The following MSH3 variants were observed in gnomAD, a reference collection of about 807,000 sequenced individuals.
MSH3 encodes the protein mutS homolog 3.
MSH3 carries 106 observed loss-of-function variants against 123.3 expected under a neutral mutation model. The observed-to-expected ratio is 0.86, with a 90% CI of 0.73 to 1.01. The LOEUF is 1.01. Ranked by LOEUF, MSH3 falls within the 50% of genes least tolerant of loss-of-function variation. The probability of loss-of-function intolerance (pLI) is 0.00; values close to 1 mark genes in which losing one functional copy is unlikely to be tolerated. For missense variants in MSH3, 1,459 were observed against 1,347.6 expected, an observed-to-expected ratio of 1.08 and a Z score of -1.29; for synonymous variants, 515 against 481.4, an observed-to-expected ratio of 1.07 and a Z score of -0.91.
chr5:80,850,579 C>T (rs1212447688), intron 20 of MSH3, among the ~76,000 whole-genome samples: 1 of 152,082 alleles, frequency 6.6e-6, no homozygotes, highest in Non-Finnish European at 1.5e-5. Context: ...TGGGAAACTC[C>T]CGTTTTTAAA....
intron 8 of MSH3, among the ~76,000 whole-genome samples, chr5:80,703,053 A>ACC (rs1750646524): frequency 6.6e-6 from 1 of 152,232 alleles, no homozygotes; most frequent in South Asian, 2.1e-4. Flanking sequence ...AGTTCTTATT[A>ACC]TGTACCTGGT....
At chr5:80,794,420 A>G (rs1744663647) in intron 19 of MSH3, among the ~76,000 whole-genome samples, 1 of 152,206 alleles carries the variant, frequency 6.6e-6, no homozygotes, top group Non-Finnish European at 1.5e-5. Flanking sequence ...AGGTTTTTAT[A>G]GGTCAAAGTT....
chr5:80,807,242 A>AATGACAT (rs1284354332), intron 19 of MSH3, among the ~76,000 whole-genome samples: 2 of 152,120 alleles, frequency 1.3e-5, no homozygotes, highest in Admixed American at 6.5e-5. Context: ...CTTTAAGTGA[A>AATGACAT]ATGACATATA....
Position 80,778,532 on chromosome 5 carries a change from C to G in MSH3, c.2319-188C>G, listed in dbSNP as rs180798703. On this transcript the variant is annotated intron_variant, in intron 16 of 23. Transcript: ENST00000265081. ...ATTTGAAATGCATTTTAAAAGGCTT[C>G]CTGAGCAAAGTCATATTCTTTGGAA... 1.2e-3 allele frequency among the ~76,000 whole-genome samples: 189 copies of G among 152,286 alleles called. 2 individuals are homozygous for G. The highest frequency in any genetic ancestry group is 4.4e-3 in the African/African-American group (184 of 41,570).
intron 20 of MSH3, among the ~76,000 whole-genome samples, chr5:80,839,649 G>C (rs2112088817): frequency 6.6e-6 from 1 of 152,244 alleles, no homozygotes; most frequent in African/African-American, 2.4e-5. Flanking sequence ...GGATGAGAAA[G>C]GGTCACCACA....
intron 8 of MSH3, among the ~76,000 whole-genome samples, chr5:80,682,908 T>A (rs914154513): frequency 2.6e-5 from 4 of 152,100 alleles, no homozygotes; most frequent in Admixed American, 2.6e-4. Flanking sequence ...TCTCCATGAG[T>A]TCAGTTGTTT....
At chr5:80,737,623 CGG>C (rs1298864924) in intron 10 of MSH3, among the ~76,000 whole-genome samples, 1 of 152,020 alleles carries the variant, frequency 6.6e-6, no homozygotes, top group African/African-American at 2.4e-5. Flanking sequence ...GGTCAGTGAT[CGG>C]ATACTATTGG....
intron 19 of MSH3, among the ~76,000 whole-genome samples, chr5:80,803,393 A>T (rs551929193): frequency 1.3e-5 from 2 of 151,344 alleles, no homozygotes; most frequent in South Asian, 4.2e-4. Context: ...GTCTATTAAG[A>T]TCTTTTGCCC....
At chr5:80,705,970 CAT>C (rs2076305597) in intron 8 of MSH3, among the ~76,000 whole-genome samples, 1 of 152,172 alleles carries the variant, frequency 6.6e-6, no homozygotes, top group East Asian at 1.9e-4. Context: ...CAACTCATAA[CAT>C]AGGGCGAGGA....
chr5:80,791,047 T>C (rs778639449), intron 18 of MSH3, among the ~76,000 whole-genome samples: 2 of 152,204 alleles, frequency 1.3e-5, no homozygotes, highest in Non-Finnish European at 2.9e-5. Flanking sequence ...ACATTCATCA[T>C]GTAATATTTG....
intron 8 of MSH3, among the ~76,000 whole-genome samples, chr5:80,710,570 C>T (rs916698525): frequency 6.6e-6 from 1 of 152,112 alleles, no homozygotes; most frequent in African/African-American, 2.4e-5. Flanking sequence ...CCCTGGTATC[C>T]AGCAGAAAGC....
chr5:80,777,904 A>G (rs1338857830), intron 16 of MSH3, among the ~76,000 whole-genome samples: 3 of 152,192 alleles, frequency 2.0e-5, no homozygotes, highest in Non-Finnish European at 4.4e-5. Context: ...CACAATACTT[A>G]CAGGCGCTCT....
intron 8 of MSH3, among the ~76,000 whole-genome samples, chr5:80,714,735 G>A (rs544977810): frequency 6.6e-6 from 1 of 152,296 alleles, no homozygotes; most frequent in Admixed American, 6.5e-5. Flanking sequence ...GTAACCAGCT[G>A]CCTCTTGTGT....
At chr5:80,845,727 C>T (rs906378828) in intron 20 of MSH3, among the ~76,000 whole-genome samples, 2 of 152,180 alleles carry the variant, frequency 1.3e-5, no homozygotes, top group Non-Finnish European at 2.9e-5. Flanking sequence ...TCATGAAGTT[C>T]TCATGCCGTG....
At chr5:80,849,611 G>A (rs1482052719) in intron 20 of MSH3, among the ~76,000 whole-genome samples, 1 of 152,122 alleles carries the variant, frequency 6.6e-6, no homozygotes, top group African/African-American at 2.4e-5. Flanking sequence ...ATCCTCTGAA[G>A]CCACAACCTG....
At position 80,679,053 on chromosome 5, in the gene MSH3, G is replaced by C. The variant is rs765012540; in HGVS notation, c.1300G>C (p.Glu434Gln). Residue 434 changes from glutamate to glutamine, a missense_variant, in exon 8 of 24, where the codon GAG (glutamate) becomes CAG (glutamine). Coordinates refer to ENST00000265081, the MANE Select transcript of MSH3 (RefSeq NM_002439.5). ...GCTGCTGCTTCCTTCGGCCTTGTCC[G>C]AGCAAACAGAGGCGCTCATCCACAG... ...VELLLPSALS[E>Q]QTEALIHRAT... 1 of 1,614,064 alleles carries C rather than the reference G, an allele frequency of 6.2e-7. No homozygotes were observed. The highest frequency in any genetic ancestry group is 2.2e-5 in the East Asian group (1 of 44,882).
intron 11 of MSH3, among the ~76,000 whole-genome samples, chr5:80,744,061 C>T (rs574475832): frequency 6.6e-6 from 1 of 152,188 alleles, no homozygotes; most frequent in South Asian, 2.1e-4. Flanking sequence ...TAAAATCCTT[C>T]CTGGGTAAAT....
At chr5:80,808,561 G>T (rs189594803) in intron 19 of MSH3, among the ~76,000 whole-genome samples, 1 of 151,868 alleles carries the variant, frequency 6.6e-6, no homozygotes, top group Non-Finnish European at 1.5e-5. Context: ...AAATAAACAT[G>T]GTTTAAATAT....
chr5:80,711,295 T>G (rs1367258694), intron 8 of MSH3, among the ~76,000 whole-genome samples: 1 of 152,194 alleles, frequency 6.6e-6, no homozygotes, highest in Admixed American at 6.5e-5. Flanking sequence ...TGCGGATAGG[T>G]CCTGGTGTGT....
Sources: allele counts gnomAD v4.1 joint callset (sites outside exome capture counted in the v4.1 genomes callset), GRCh38; gene constraint gnomAD v4.1.1; transcripts MANE v1.5; gene names NCBI Gene and HGNC (gene_info 2026-07-23, HGNC 2026-07-21).